SLC35F1: variants seen among roughly 807,000 people sequenced by gnomAD.
SLC35F1 encodes the protein chromosome 6 open reading frame 169.
In SLC35F1, 14 loss-of-function variants were observed where a neutral mutation model predicts 48.7. The ratio of observed to expected loss-of-function variants is 0.29; its 90% confidence interval spans 0.19 to 0.45. The LOEUF (loss-of-function observed/expected upper bound fraction) is 0.45, where lower values mean the gene tolerates loss of function less well. Among genes scored for constraint, SLC35F1 ranks in the 20% least tolerant of loss-of-function variants. The pLI, the probability that SLC35F1 is intolerant of heterozygous loss-of-function variation, is 1.00. For missense variants in SLC35F1, 404 were observed against 500.0 expected (o/e 0.81, Z 1.83); for synonymous variants, 190 against 202.2 (o/e 0.94, Z 0.51).
At chr6:118,191,758 C>T (rs1774736878) in intron 2 of SLC35F1, among the ~76,000 whole-genome samples, 1 of 152,120 alleles carries the variant, frequency 6.6e-6, no homozygotes, top group Non-Finnish European at 1.5e-5. Context: ...CATCAGTGCT[C>T]TTACATGGGA....
At chr6:118,114,422 A>T (rs1773449529) in intron 1 of SLC35F1, among the ~76,000 whole-genome samples, 1 of 152,042 alleles carries the variant, frequency 6.6e-6, no homozygotes, top group Non-Finnish European at 1.5e-5. Context: ...AAGCTATTTA[A>T]CCTCCTAACT....
chr6:117,972,345 T>A (rs1309740267), intron 1 of SLC35F1, among the ~76,000 whole-genome samples: 1 of 152,192 alleles, frequency 6.6e-6, no homozygotes, highest in Non-Finnish European at 1.5e-5. Flanking sequence ...CACATTTTCT[T>A]TTGTTTTTCT....
chr6:118,215,884 A>G (rs138754097), intron 2 of SLC35F1, among the ~76,000 whole-genome samples: 43 of 152,300 alleles, frequency 2.8e-4, no homozygotes, highest in Non-Finnish European at 5.4e-4. Flanking sequence ...GGCTCAGTCC[A>G]TCACTCTTCT....
chr6:117,974,619 T>C (rs1457326964), intron 1 of SLC35F1, among the ~76,000 whole-genome samples: 1 of 152,196 alleles, frequency 6.6e-6, no homozygotes, highest in Non-Finnish European at 1.5e-5. Flanking sequence ...CTAGGACTCA[T>C]TTACACTCTT....
intron 1 of SLC35F1, among the ~76,000 whole-genome samples, chr6:118,011,880 C>T (rs1337822785): frequency 2.0e-5 from 3 of 152,148 alleles, no homozygotes; most frequent in Non-Finnish European, 2.9e-5. Context: ...GACAGAAGCA[C>T]TGGTCTGAGG....
At chr6:118,272,414 T>G (rs895335292) in intron 4 of SLC35F1, among the ~76,000 whole-genome samples, 10 of 152,282 alleles carry the variant, frequency 6.6e-5, no homozygotes, top group African/African-American at 2.4e-4. Context: ...TATTGTGGTT[T>G]TATACATACA....
chr6:118,301,418 A>G (rs1190895158), intron 7 of SLC35F1, among the ~76,000 whole-genome samples: 1 of 152,162 alleles, frequency 6.6e-6, no homozygotes, highest in Non-Finnish European at 1.5e-5. Context: ...TTGCTTAGGG[A>G]ACATCTCAAG....
intron 1 of SLC35F1, among the ~76,000 whole-genome samples, chr6:117,976,257 T>C (rs1049883103): frequency 6.6e-6 from 1 of 152,212 alleles, no homozygotes; most frequent in Non-Finnish European, 1.5e-5. Flanking sequence ...TATTCATGCC[T>C]ATAGTGGCAA....
chr6:118,098,855 A>C (rs1019514898), intron 1 of SLC35F1, among the ~76,000 whole-genome samples: 1 of 152,206 alleles, frequency 6.6e-6, no homozygotes, highest in Non-Finnish European at 1.5e-5. Flanking sequence ...TTAGTAACAC[A>C]CATGAAGAGG....
intron 1 of SLC35F1, among the ~76,000 whole-genome samples, chr6:117,970,607 A>G (rs1369197377): frequency 3.3e-5 from 5 of 152,140 alleles, no homozygotes; most frequent in Non-Finnish European, 7.3e-5. Flanking sequence ...AGACTGGGTA[A>G]TTTATAAAGA....
At chr6:118,297,622 T>TTATATAATATATATA (rs1294028315) in intron 7 of SLC35F1, among the ~76,000 whole-genome samples, 2 of 96,930 alleles carry the variant, frequency 2.1e-5, no homozygotes, top group African/African-American at 9.0e-5. Flanking sequence ...TTCTCAGAAC[T>TTATATAATATATATA]TATATATATA....
chr6:118,285,355 C>T lies in SLC35F1; in HGVS notation c.1002+17C>T, dbSNP rs1053907064. The stretch of plus-strand genomic sequence containing the variant: ...CACTACAAGGTAAGTTGAGTGAGTG[C>T]TCCTTTGTGAAGATGATACTTTGTA... On this transcript the variant is annotated intron_variant, in intron 7 of 7. Transcript: ENST00000360388. 1.9e-6 allele frequency: 3 copies of T among 1,613,236 alleles called. No individual in the cohort carries two copies. Among genetic ancestry groups the T allele is most frequent in the Non-Finnish European group, 2.5e-6 (3 of 1,179,432 alleles).
intron 1 of SLC35F1, among the ~76,000 whole-genome samples, chr6:118,120,592 T>C (rs1206991680): frequency 2.0e-5 from 3 of 152,180 alleles, no homozygotes; most frequent in African/African-American, 4.8e-5. Context: ...TTATGTTTTA[T>C]GACTACATAT....
intron 2 of SLC35F1, among the ~76,000 whole-genome samples, chr6:118,155,330 C>T (rs1774122834): frequency 6.6e-6 from 1 of 152,132 alleles, no homozygotes; most frequent in Admixed American, 6.5e-5. Flanking sequence ...ATGTAATTGC[C>T]ACTGTGACAA....
chr6:118,248,914 T>C (rs1160650124), intron 3 of SLC35F1, among the ~76,000 whole-genome samples: 1 of 152,142 alleles, frequency 6.6e-6, no homozygotes, highest in African/African-American at 2.4e-5. Context: ...GGAGACTAGA[T>C]CATGAGGGTG....
At chr6:118,220,430 T>C (rs1253146810) in intron 2 of SLC35F1, among the ~76,000 whole-genome samples, 2 of 152,152 alleles carry the variant, frequency 1.3e-5, no homozygotes, top group Non-Finnish European at 2.9e-5. Flanking sequence ...TTTATTCTTA[T>C]ACCAAAAGCT....
At chr6:118,263,445 A>C (rs1022276764) in intron 3 of SLC35F1, among the ~76,000 whole-genome samples, 2 of 152,202 alleles carry the variant, frequency 1.3e-5, no homozygotes, top group Non-Finnish European at 2.9e-5. Context: ...AATTCGTTTA[A>C]ATCCTTAGGG....
chr6:118,169,243 G>C (rs1180403461), intron 2 of SLC35F1, among the ~76,000 whole-genome samples: 6 of 152,090 alleles, frequency 3.9e-5, no homozygotes, highest in Non-Finnish European at 8.8e-5. Context: ...AAACATTATT[G>C]TGTCCTATTA....
At chr6:118,193,366 A>G (rs1211106156) in intron 2 of SLC35F1, among the ~76,000 whole-genome samples, 3 of 152,158 alleles carry the variant, frequency 2.0e-5, no homozygotes, top group Admixed American at 6.5e-5. Flanking sequence ...CCAATGTTCA[A>G]TTTATGGAAA....
Sources: gnomAD v4.1 joint callset for allele counts (sites outside exome capture counted in the v4.1 genomes callset) on GRCh38, gnomAD v4.1.1 for gene constraint, MANE v1.5 for transcripts, NCBI Gene and HGNC (gene_info 2026-07-23, HGNC 2026-07-21) for gene names.